Variants in CTIF observed in about 807,000 individuals in gnomAD.
CTIF encodes cap binding complex dependent translation initiation factor.
A neutral mutation model predicts 66.0 loss-of-function variants in CTIF; 21 were observed. The observed-to-expected ratio is 0.32, with a 90% CI of 0.23 to 0.46. CTIF has a LOEUF of 0.46. Among genes scored for constraint, CTIF ranks in the 20% least tolerant of loss-of-function variants. The pLI is 1.00. For synonymous variants in CTIF, 345 were observed against 326.4 expected (o/e 1.06, Z -0.62); for missense variants, 739 against 812.7 (o/e 0.91, Z 1.10).
intron 3 of CTIF, among the ~76,000 whole-genome samples, chr18:48,656,178 C>T (rs149428468): frequency 6.6e-6 from 1 of 152,342 alleles, no homozygotes; most frequent in African/African-American, 2.4e-5. Context: ...AATACAGATG[C>T]TTGCAGGGGA....
At chr18:48,604,453 C>G (rs1171438327) in intron 1 of CTIF, among the ~76,000 whole-genome samples, 1 of 152,132 alleles carries the variant, frequency 6.6e-6, no homozygotes, top group Non-Finnish European at 1.5e-5. Context: ...GCTGGGATTA[C>G]AGGCGTGAGC....
intron 1 of CTIF, among the ~76,000 whole-genome samples, chr18:48,600,726 G>T (rs891570291): frequency 6.6e-6 from 1 of 152,054 alleles, no homozygotes; most frequent in Non-Finnish European, 1.5e-5. Flanking sequence ...GAATGCTGGG[G>T]TTTTTCCTGG....
At chr18:48,763,278 C>A (rs1233254096) in intron 9 of CTIF, among the ~76,000 whole-genome samples, 1 of 152,232 alleles carries the variant, frequency 6.6e-6, no homozygotes, top group Non-Finnish European at 1.5e-5. Context: ...CAGACAGGCA[C>A]CCAGGGCATG....
At chr18:48,709,008 A>G (rs755896813) in intron 6 of CTIF, among the ~76,000 whole-genome samples, 1 of 152,248 alleles carries the variant, frequency 6.6e-6, no homozygotes, top group Non-Finnish European at 1.5e-5. Context: ...CATCGATGAC[A>G]GTGATGATGA....
intron 6 of CTIF, among the ~76,000 whole-genome samples, chr18:48,694,140 A>G (rs564067541): frequency 6.6e-6 from 1 of 151,660 alleles, no homozygotes; most frequent in South Asian, 2.1e-4. Context: ...GGTCCCAAAG[A>G]CTCTCTTTGG....
intron 1 of CTIF, among the ~76,000 whole-genome samples, chr18:48,601,254 A>G (rs1009805280): frequency 2.6e-5 from 4 of 152,234 alleles, no homozygotes; most frequent in Non-Finnish European, 4.4e-5. Context: ...CAGGCTCCCA[A>G]AAGAAAAATG....
intron 1 of CTIF, among the ~76,000 whole-genome samples, chr18:48,583,467 G>A (rs1403670796): frequency 6.6e-6 from 1 of 152,138 alleles, no homozygotes; most frequent in Non-Finnish European, 1.5e-5. Flanking sequence ...AGTTTGGTGG[G>A]GAAAGGAGTC....
chr18:48,723,746 C>A (rs2092362167), intron 7 of CTIF, among the ~76,000 whole-genome samples: 1 of 152,218 alleles, frequency 6.6e-6, no homozygotes, highest in South Asian at 2.1e-4. Flanking sequence ...TACCAAGGAG[C>A]TTTCCTCCTG....
At chr18:48,823,063 ACT>A (rs372497709) in intron 10 of CTIF, among the ~76,000 whole-genome samples, 2,188 of 152,070 alleles carry the variant, frequency 0.014, 67 homozygotes, top group African/African-American at 0.05. Flanking sequence ...TTGGACATTA[ACT>A]CTTTATCAGA....
chr18:48,799,394 C>A (rs1250221242), intron 9 of CTIF, among the ~76,000 whole-genome samples: 1 of 152,118 alleles, frequency 6.6e-6, no homozygotes, highest in African/African-American at 2.4e-5. Context: ...GATTTCTGGT[C>A]TTTCACTAGA....
chr18:48,702,175 A>G (rs923213103), intron 6 of CTIF, among the ~76,000 whole-genome samples: 3 of 152,242 alleles, frequency 2.0e-5, no homozygotes, highest in African/African-American at 7.2e-5. Context: ...TTTATTATTC[A>G]GGACTCTTTA....
At chr18:48,669,076 T>G (rs764787829) in intron 5 of CTIF, among the ~76,000 whole-genome samples, 5 of 152,158 alleles carry the variant, frequency 3.3e-5, no homozygotes, top group African/African-American at 1.2e-4. Flanking sequence ...CCATAGGACT[T>G]TTATGACACC....
rs190708986 is a variant in CTIF, at chr18:48,620,638, C to G, written c.180+893C>G. 4.9e-3 allele frequency among the ~76,000 whole-genome samples: 747 copies of G among 152,304 alleles called. 2 individuals carry two copies. The highest frequency in any genetic ancestry group is 7.9e-3 in the Non-Finnish European group (537 of 68,022). On this transcript the variant is annotated intron_variant, in intron 2 of 11. Transcript: ENST00000256413. ...AAGAAGTACAAAAGCTGCAGAGAAT[C>G]AGTGCTGCCTGCACAAGCATGTACA...
In CTIF at chr18:48,662,654, G is replaced by GCTCT. The variant is rs569019473; in HGVS notation, c.253-1093_253-1090dup. On this transcript the variant is annotated intron_variant, in intron 3 of 11. Coordinates refer to ENST00000256413, the MANE Select transcript of CTIF (RefSeq NM_014772.3). ...TCCTTCTAGTTAATCAAAGCTGCTC[G>GCTCT]CTCTCTCTGTCTCTCTCTGGAAGAG... 25 of 151,570 alleles carry GCTCT rather than the reference G, an allele frequency of 1.6e-4. No homozygotes were observed. In the East Asian group the frequency reaches 3.5e-3, roughly 21 times the overall value. The allele number at this position is 151,570 out of a possible 1,614,324, so 9.4% of individuals were successfully genotyped here. A position where few individuals can be genotyped will look rare whatever the true frequency, so the allele number is the denominator to read the frequency against.
chr18:48,718,917 G>A (rs557382793), intron 7 of CTIF, among the ~76,000 whole-genome samples: 6 of 152,126 alleles, frequency 3.9e-5, no homozygotes, highest in South Asian at 2.1e-4. Flanking sequence ...ATTGCTCTCC[G>A]TGGAGTCTTC....
At chr18:48,723,378 G>A (rs186889694) in intron 7 of CTIF, among the ~76,000 whole-genome samples, 71 of 152,284 alleles carry the variant, frequency 4.7e-4, no homozygotes, top group African/African-American at 1.7e-3. Flanking sequence ...GATTTCAGAT[G>A]AGACCCTCAG....
chr18:48,743,655 G>A (rs1219891080), intron 7 of CTIF, among the ~76,000 whole-genome samples: 2 of 152,240 alleles, frequency 1.3e-5, no homozygotes, highest in Non-Finnish European at 2.9e-5. Context: ...AATTTTGCCT[G>A]TATTCATAAA....
intron 6 of CTIF, among the ~76,000 whole-genome samples, chr18:48,700,599 G>A (rs1013893114): frequency 6.6e-6 from 1 of 152,244 alleles, no homozygotes; most frequent in South Asian, 2.1e-4. Flanking sequence ...ACTACTGCTA[G>A]TTTGTATAAT....
Position 48,814,033 on chromosome 18 carries a change from G to T in CTIF, c.1372-3188G>T, listed in dbSNP as rs552147230. 3.9e-5 allele frequency among the ~76,000 whole-genome samples: 6 copies of T among 152,262 alleles called. No homozygotes were observed. The South Asian group carries it at 1.2e-3, about 32-fold the overall frequency. ...GCTACCCCCTGTCTTTGGTCTTCTG[G>T]GTCCCCTGGGCAACCAGAATTTGTT... On this transcript the variant is annotated intron_variant, in intron 9 of 11. Transcript: ENST00000256413.
Sources: gnomAD v4.1 joint callset for allele counts (sites outside exome capture counted in the v4.1 genomes callset) on GRCh38, gnomAD v4.1.1 for gene constraint, MANE v1.5 for transcripts, NCBI Gene and HGNC (gene_info 2026-07-23, HGNC 2026-07-21) for gene names.